TET3: variants seen among roughly 807,000 people sequenced by gnomAD.
The protein encoded by TET3 is methylcytosine dioxygenase TET3.
A neutral mutation model predicts 141.4 loss-of-function variants in TET3; 19 were observed. That is an observed-to-expected ratio of 0.13 (90% CI 0.09 to 0.20). The LOEUF (loss-of-function observed/expected upper bound fraction) is 0.20. Among genes scored for constraint, TET3 ranks in the 10% least tolerant of loss-of-function variants. The pLI, the probability that TET3 is intolerant of heterozygous loss-of-function variation, is 1.00. For synonymous variants in TET3, 1,043 were observed against 980.9 expected (o/e 1.06, Z -1.18); for missense variants, 1,874 against 2,356.9 (o/e 0.80, Z 4.24).
At chr2:74,023,663 G>A (rs1281446725) in intron 3 of TET3, among the ~76,000 whole-genome samples, 1 of 152,206 alleles carries the variant, frequency 6.6e-6, no homozygotes. Context: ...CCAGACAGTG[G>A]CTCCCAGTGG....
chr2:74,122,505 ATATATAT>A, the TET3 span: 2 of 66,474 alleles, frequency 3.0e-5, no homozygotes, highest in African/African-American at 1.3e-4. Flanking sequence ...ATATATATAT[ATATATAT>A]TTTTTTTTTT....
At chr2:74,114,705 T>C in the TET3 span, among the ~76,000 whole-genome samples, 3 of 151,110 alleles carry the variant, frequency 2.0e-5, no homozygotes, top group Non-Finnish European at 4.4e-5. Flanking sequence ...ATACAAAAAA[T>C]TGGCTGGGTG....
chr2:74,040,139 G>T (rs1271089958), intron 3 of TET3, among the ~76,000 whole-genome samples: 1 of 152,192 alleles, frequency 6.6e-6, no homozygotes, highest in African/African-American at 2.4e-5. Flanking sequence ...TGAAGCCAGG[G>T]TGGACAATGA....
rs774296968 is a variant in TET3 at position 74,101,053 on chromosome 2, T to G, written c.4265T>G (p.Leu1422Arg). The stretch of plus-strand genomic sequence containing the variant: ...GCTGGCAAGATGGGCAAGACACCTC[T>G]GTCCGAGGTGTCTCAGAATGGAGGA... The part of the protein sequence containing the change: ...RDAGKMGKTP[L>R]SEVSQNGGPS... Residue 1422 changes from leucine (L) to arginine (R), a missense_variant, in exon 12 of 12, where the codon CTG becomes CGG. Coordinates refer to ENST00000409262, the MANE Select transcript of TET3 (RefSeq NM_001287491.2). This position sits in a 1 kb window ranked among gnomAD's most constrained non-coding sequence, Gnocchi z 8.5. The G allele has an allele frequency of 1.6e-5, 25 of 1,612,598 alleles. No homozygotes were observed. Among genetic ancestry groups the G allele is most frequent in the Non-Finnish European group, 2.0e-5 (24 of 1,179,250 alleles).
In TET3 at chr2:74,036,160, G is replaced by A. The variant is rs140142911; in HGVS notation, c.361-10118G>A. Among the ~76,000 whole-genome samples, 268 of 152,292 alleles carry A rather than the reference G, an allele frequency of 1.8e-3. 1 individual carries two copies. Among genetic ancestry groups the A allele is most frequent in the African/African-American group, 6.3e-3 (261 of 41,544 alleles). On this transcript the variant is annotated intron_variant, in intron 3 of 11. Transcript: ENST00000409262. ...ATAATAATCTTGTGAGATAGGTACT[G>A]TTACTCATCCCCAATTTACAGGTGA...
chr2:74,085,391 G>T (rs922589468), intron 6 of TET3, among the ~76,000 whole-genome samples: 3 of 152,162 alleles, frequency 2.0e-5, no homozygotes, highest in Non-Finnish European at 4.4e-5. Flanking sequence ...TTCCTCATTT[G>T]TATTGCCTGC....
chr2:74,057,764 A>G (rs1250745320), intron 4 of TET3, among the ~76,000 whole-genome samples: 1 of 152,232 alleles, frequency 6.6e-6, no homozygotes, highest in Non-Finnish European at 1.5e-5. Flanking sequence ...AGGGGGAGAA[A>G]CTAGAGATCA....
rs540468552 is a variant in TET3 at position 74,047,161 on chromosome 2, C to T, written c.1244C>T (p.Ser415Leu). The T allele has an allele frequency of 1.8e-5, 29 of 1,613,980 alleles. No individual in the cohort carries two copies. Among genetic ancestry groups the T allele is most frequent in the Non-Finnish European group, 2.4e-5 (28 of 1,179,890 alleles). The change falls in exon 4 of 12, where the codon TCA becomes TTA. Residue 415 changes from serine to leucine, a missense_variant. Ser to Leu is a moderately radical substitution (Grantham distance 145). Around this residue, in one of 10 missense-constraint regions of TET3, gnomAD observed 484 missense variants for 462.2 expected, o/e 1.05. Transcript: ENST00000409262. ...CCTGTGGTTCCTCCTGAAGAGCACT[C>T]ATCTTTTGCTCCTGATAGCTCTGCC... ...SWPVVPPEEHSSFAPDSSAFP... is the reference protein window; with the variant it reads ...SWPVVPPEEHLSFAPDSSAFP...
intron 5 of TET3, 96 bp from the exon 6 acceptor site, chr2:74,080,402 A>G: frequency 9.3e-7 from 1 of 1,075,292 alleles, no homozygotes; most frequent in Non-Finnish European, 1.4e-6. Context: ...GTAACCAGAA[A>G]CTCAAACAAA....
downstream of TET3, among the ~76,000 whole-genome samples, chr2:74,112,072 T>C (rs1234645584): frequency 6.6e-6 from 1 of 152,182 alleles, no homozygotes; most frequent in Non-Finnish European, 1.5e-5. Flanking sequence ...GCCAATCTCC[T>C]TACTCAGATA....
intron 4 of TET3, 94 bp from the exon 5 acceptor site, chr2:74,073,455 C>A: frequency 2.4e-6 from 2 of 847,382 alleles, no homozygotes; most frequent in Non-Finnish European, 3.6e-6. Flanking sequence ...TGTTTTCTAG[C>A]ATGCCTATTA....
At chr2:74,097,415 A>C (rs1690916607) in intron 10 of TET3, among the ~76,000 whole-genome samples, 1 of 152,262 alleles carries the variant, frequency 6.6e-6, no homozygotes, top group South Asian at 2.1e-4. Context: ...AACTCGCAAA[A>C]GAAGGAAGAC....
At chr2:74,018,412 G>A (rs976030861) in intron 3 of TET3, among the ~76,000 whole-genome samples, 9 of 152,064 alleles carry the variant, frequency 5.9e-5, no homozygotes, top group East Asian at 1.9e-4. Context: ...TTTATACAAC[G>A]AGAATTCATC....
At chr2:74,070,474 CA>C (rs1168291895) in intron 4 of TET3, among the ~76,000 whole-genome samples, 2 of 152,190 alleles carry the variant, frequency 1.3e-5, no homozygotes, top group Non-Finnish European at 2.9e-5. Context: ...AGCTACAATT[CA>C]AGATGAGATT....
chr2:74,116,437 C>T, the TET3 span, among the ~76,000 whole-genome samples: 1 of 152,144 alleles, frequency 6.6e-6, no homozygotes, highest in Non-Finnish European at 1.5e-5. Context: ...AATCCCAGCA[C>T]TTTGGGAGGC....
downstream of TET3, among the ~76,000 whole-genome samples, chr2:74,108,828 G>T (rs1691636333): frequency 6.6e-6 from 1 of 152,158 alleles, no homozygotes; most frequent in South Asian, 2.1e-4. Flanking sequence ...AACCAGCCCA[G>T]CTGTTGATAA....
chr2:74,094,142 G>A (rs1690666477), intron 10 of TET3, among the ~76,000 whole-genome samples: 1 of 152,238 alleles, frequency 6.6e-6, no homozygotes, highest in South Asian at 2.1e-4. Flanking sequence ...GAAAAATGAA[G>A]TAGGGTGAGG....
chr2:74,034,297 A>G (rs752046785), intron 3 of TET3, among the ~76,000 whole-genome samples: 1 of 151,122 alleles, frequency 6.6e-6, no homozygotes, highest in Non-Finnish European at 1.5e-5. Flanking sequence ...AGTATTTTAT[A>G]TATGTTAAAC....
chr2:74,007,454 G>A (rs1685206112), intron 3 of TET3, among the ~76,000 whole-genome samples: 1 of 152,188 alleles, frequency 6.6e-6, no homozygotes, highest in Non-Finnish European at 1.5e-5. Context: ...GCACATGTTG[G>A]CATTAGATGT....
Sources: allele counts gnomAD v4.1 joint callset (sites outside exome capture counted in the v4.1 genomes callset), GRCh38; gene constraint gnomAD v4.1.1; regional missense constraint gnomAD v4.1.1; non-coding constraint Gnocchi (gnomAD v3.1); transcripts MANE v1.5; gene names NCBI Gene and HGNC (gene_info 2026-07-23, HGNC 2026-07-21).